Variants in ACTR3C observed in about 807,000 individuals in gnomAD.
The protein encoded by ACTR3C is actin related protein 3C.
In ACTR3C, 18 loss-of-function variants were observed where a neutral mutation model predicts 26.3. The observed-to-expected ratio is 0.68, with a 90% CI of 0.47 to 1.01. The LOEUF (loss-of-function observed/expected upper bound fraction) is 1.01, where lower values mean the gene tolerates loss of function less well. Among genes scored for constraint, ACTR3C ranks in the 50% least tolerant of loss-of-function variants. ACTR3C has a pLI of 0.00. For missense variants in ACTR3C, 184 were observed against 250.7 expected, an observed-to-expected ratio of 0.73 and a Z score of 1.80; for synonymous variants, 55 against 94.5, an observed-to-expected ratio of 0.58 and a Z score of 2.42.
chr7:149,919,333 C>T, the ACTR3C span, among the ~76,000 whole-genome samples: 1 of 151,456 alleles, frequency 6.6e-6, no homozygotes, highest in Non-Finnish European at 1.5e-5. Flanking sequence ...TGCCACCTCC[C>T]GGGTTCAAGC....
the ACTR3C span, among the ~76,000 whole-genome samples, chr7:150,185,430 C>T: frequency 1.3e-4 from 20 of 152,230 alleles, no homozygotes; most frequent in African/African-American, 4.6e-4. Flanking sequence ...ACAGTAACAA[C>T]ATCTCATAAA....
At chr7:149,999,537 T>C in the ACTR3C span, among the ~76,000 whole-genome samples, 1 of 150,806 alleles carries the variant, frequency 6.6e-6, no homozygotes. Flanking sequence ...CTTCTGAGGG[T>C]GTTTGTAGGA....
chr7:149,908,775 G>A, the ACTR3C span, among the ~76,000 whole-genome samples: 1 of 149,404 alleles, frequency 6.7e-6, no homozygotes, highest in East Asian at 1.9e-4. Context: ...ATAGTTCCAG[G>A]GAATCCTATC....
the ACTR3C span, among the ~76,000 whole-genome samples, chr7:150,212,657 T>C: frequency 6.6e-6 from 1 of 152,044 alleles, no homozygotes; most frequent in Non-Finnish European, 1.5e-5. Flanking sequence ...TGAAGAACAA[T>C]GGTGGATAAG....
chr7:150,085,958 AT>A, the ACTR3C span, among the ~76,000 whole-genome samples: 31 of 148,636 alleles, frequency 2.1e-4, no homozygotes, highest in East Asian at 9.9e-4. Context: ...CTAGCCCATG[AT>A]TTTTTTTTTC....
At chr7:150,029,402 AC>A in the ACTR3C span, among the ~76,000 whole-genome samples, 76,574 of 114,698 alleles carry the variant, frequency 0.67, 24,640 homozygotes, top group South Asian at 0.71. Flanking sequence ...TTTATCAAAA[AC>A]AAAAAAAAAA....
the ACTR3C span, among the ~76,000 whole-genome samples, chr7:149,959,493 A>G: frequency 1.2e-4 from 18 of 152,328 alleles, no homozygotes; most frequent in South Asian, 1.5e-3. Context: ...TCTCTAGAGA[A>G]GGTGACTCAA....
chr7:150,091,318 T>C, the ACTR3C span, among the ~76,000 whole-genome samples: 1 of 78,256 alleles, frequency 1.3e-5, no homozygotes, highest in African/African-American at 4.3e-5. Context: ...GAGGGTGAGC[T>C]CACAGTTGGA....
chr7:150,125,008 G>A, the ACTR3C span, among the ~76,000 whole-genome samples: 30 of 152,280 alleles, frequency 2.0e-4, no homozygotes, highest in Non-Finnish European at 2.9e-4. Flanking sequence ...TTGATTTCAC[G>A]CTTTTTGACT....
chr7:149,963,127 C>G, the ACTR3C span, among the ~76,000 whole-genome samples: 1 of 152,222 alleles, frequency 6.6e-6, no homozygotes, highest in Non-Finnish European at 1.5e-5. Flanking sequence ...ACTGAGTTGG[C>G]CTCTCTGCCT....
chr7:150,145,010 A>C, the ACTR3C span, among the ~76,000 whole-genome samples: 1 of 147,390 alleles, frequency 6.8e-6, no homozygotes, highest in African/African-American at 2.5e-5. Context: ...AGATGGCACC[A>C]TTGCACTCCA....
the ACTR3C span, among the ~76,000 whole-genome samples, chr7:150,154,130 G>A: frequency 2.7e-5 from 4 of 148,784 alleles, no homozygotes. Flanking sequence ...GCTAAATGAC[G>A]AGTTAATGGG....
intron 1 of ACTR3C, among the ~76,000 whole-genome samples, chr7:150,303,706 G>C (rs2092507845): frequency 6.6e-6 from 1 of 152,090 alleles, no homozygotes; most frequent in South Asian, 2.1e-4. Context: ...ATTCCTTTAG[G>C]AGACAAATGT....
chr7:150,039,580 T>G, the ACTR3C span, among the ~76,000 whole-genome samples: 1 of 122,632 alleles, frequency 8.2e-6, no homozygotes, highest in African/African-American at 3.3e-5. Context: ...CTCTCAGTAA[T>G]CCCACGTAAG....
At chr7:149,883,983 T>C in the ACTR3C span, among the ~76,000 whole-genome samples, 1 of 103,218 alleles carries the variant, frequency 9.7e-6, no homozygotes, top group Non-Finnish European at 2.1e-5. Context: ...ACGCCACAGG[T>C]TTTTAGTGGA....
the ACTR3C span, among the ~76,000 whole-genome samples, chr7:150,159,016 A>G: frequency 8.3e-6 from 1 of 120,364 alleles, no homozygotes. Context: ...CATTCAGCAC[A>G]CACACTCAGG....
At chr7:150,262,264 T>C (rs1833698163) in intron 6 of ACTR3C, among the ~76,000 whole-genome samples, 1 of 151,442 alleles carries the variant, frequency 6.6e-6, no homozygotes, top group Non-Finnish European at 1.5e-5. Context: ...GAATTATCAA[T>C]GAGCAGATGC....
chr7:150,035,405 C>A, the ACTR3C span, among the ~76,000 whole-genome samples: 2 of 40,426 alleles, frequency 4.9e-5, no homozygotes, highest in African/African-American at 9.7e-5. Context: ...TCCTAAGATC[C>A]AGGGGGGGAA....
At chr7:150,035,518 CT>C in the ACTR3C span, among the ~76,000 whole-genome samples, 8 of 119,736 alleles carry the variant, frequency 6.7e-5, no homozygotes, top group African/African-American at 1.9e-4. Flanking sequence ...TCAGTCCCCA[CT>C]CTCGTGGGGG....
Sources: gnomAD v4.1 joint callset for allele counts (sites outside exome capture counted in the v4.1 genomes callset) on GRCh38, gnomAD v4.1.1 for gene constraint, MANE v1.5 for transcripts, NCBI Gene and HGNC (gene_info 2026-07-23, HGNC 2026-07-21) for gene names.